The following DNAH17 variants were observed in gnomAD, a reference collection of about 807,000 sequenced individuals.
DNAH17 encodes axonemal beta dynein heavy chain 17.
In DNAH17, 376 loss-of-function variants were observed where a neutral mutation model predicts 485.6. The ratio of observed to expected loss-of-function variants is 0.77; its 90% CI spans 0.71 to 0.84. DNAH17 has a LOEUF of 0.84. DNAH17 is among the 40% of genes least tolerant of loss of function. DNAH17 has a pLI of 0.00. For missense variants in DNAH17, 6,370 were observed against 5,839.3 expected, an observed-to-expected ratio of 1.09 and a Z score of -2.96; for synonymous variants, 3,031 against 2,405.9, an observed-to-expected ratio of 1.26 and a Z score of -7.60.
chr17:78,501,513 A>G, intron 34 of DNAH17, 169 bp from the exon 35 acceptor site: 1 of 991,498 alleles, frequency 1.0e-6, no homozygotes, highest in Non-Finnish European at 1.4e-6. Context: ...CCTCAGTGGA[A>G]TCTCGCTACA....
rs1241864142 is a variant in DNAH17, at chr17:78,530,416, G to C, written c.3211C>G (p.Gln1071Glu). 6.2e-7 allele frequency: 1 copy of C among 1,613,670 alleles called. No individual in the cohort carries two copies. The change falls in exon 21 of 81, where the codon CAG becomes GAG. Residue 1071 changes from glutamine to glutamate, a missense_variant. Physicochemically the swap from Gln to Glu is conservative, Grantham distance 29 (BLOSUM62 2). Coordinates refer to ENST00000389840, the MANE Select transcript of DNAH17 (RefSeq NM_173628.4). Reference protein sequence around the residue: ...WLQCDCRPFKQALLSTIRRWG... With the variant: ...WLQCDCRPFKEALLSTIRRWG... ...CGCCGGATTGTGCTGAGCAGGGCCT[G>C]CTTGAAGGGGCGGCAGTCGCACTGC...
At chr17:78,454,257 C>T (rs767403621) in intron 64 of DNAH17, among the ~76,000 whole-genome samples, 1 of 152,198 alleles carries the variant, frequency 6.6e-6, no homozygotes, top group Non-Finnish European at 1.5e-5. Flanking sequence ...CTCTCCTTTC[C>T]CTGCAGGAGC....
chr17:78,531,054 T>G (rs1192865467), intron 20 of DNAH17, among the ~76,000 whole-genome samples: 1 of 152,234 alleles, frequency 6.6e-6, no homozygotes, highest in African/African-American at 2.4e-5. Flanking sequence ...AGCTGTCTGT[T>G]GGTCCCTGTG....
chr17:78,529,276 G>A (rs529711445), intron 22 of DNAH17, among the ~76,000 whole-genome samples, 196 bp downstream of exon 22: 4 of 152,142 alleles, frequency 2.6e-5, no homozygotes, highest in South Asian at 2.1e-4. Flanking sequence ...TGGCCTCACC[G>A]TGGAGGCAGT....
intron 59 of DNAH17, 25 bp downstream of exon 59, chr17:78,460,137 C>T (rs754159877): frequency 3.8e-6 from 6 of 1,588,296 alleles, no homozygotes; most frequent in Non-Finnish European, 5.1e-6. Flanking sequence ...GGCCAGGGGT[C>T]CCCTTTCTTT....
intron 44 of DNAH17, among the ~76,000 whole-genome samples, chr17:78,488,362 C>T (rs117896890): frequency 0.032 from 4,937 of 152,280 alleles, 107 homozygotes; most frequent in South Asian, 0.073. Flanking sequence ...TGCTTCTCGC[C>T]CATTTCCATT....
At chr17:78,531,448 C>T (rs2091236047) in intron 20 of DNAH17, among the ~76,000 whole-genome samples, 1 of 149,354 alleles carries the variant, frequency 6.7e-6, no homozygotes, top group Non-Finnish European at 1.5e-5. Flanking sequence ...ACACCATTCT[C>T]TTGCCTCAGC....
chr17:78,518,948 C>T (rs1251237354), intron 25 of DNAH17, among the ~76,000 whole-genome samples: 1 of 151,894 alleles, frequency 6.6e-6, no homozygotes, highest in Non-Finnish European at 1.5e-5. Context: ...GTGGGCTGAT[C>T]ACAAGGTCAG....
rs759538242 is a variant in DNAH17, at chr17:78,527,020, G to A, written c.3508-24C>T. 2.0e-6 allele frequency: 3 copies of A among 1,518,408 alleles called. No homozygotes were observed. The East Asian group carries it at 7.3e-5, about 37-fold the overall frequency. 94.1% of individuals were successfully genotyped at this position (1,518,408 alleles called of 1,614,324 possible). ...TCCTGCGGGAAGCAAAGGCAGAGGA[G>A]GGCTCCTTTCTCATTTCTTTTCTTA... On this transcript the variant is annotated intron_variant, in intron 22 of 80. Transcript: ENST00000389840.
At chr17:78,454,803 A>G in intron 63 of DNAH17, 98 bp from the exon 64 acceptor site, 1 of 1,100,042 alleles carries the variant, frequency 9.1e-7, no homozygotes, top group Non-Finnish European at 1.3e-6. Context: ...TGCTGCGGTT[A>G]GGGGTGGACC....
intron 36 of DNAH17, chr17:78,499,379 G>A: frequency 3.1e-6 from 1 of 321,378 alleles, no homozygotes. Context: ...CCCTAATAAG[G>A]GGCTCAGACA....
Position 78,468,900 on chromosome 17 carries a change from C to T in DNAH17, c.8512-17G>A, listed in dbSNP as rs2088615429. 6.2e-7 allele frequency: 1 copy of T among 1,607,946 alleles called. No individual in the cohort carries two copies. The highest frequency in any genetic ancestry group is 1.3e-5 in the African/African-American group (1 of 74,912). On this transcript the variant is annotated splice_polypyrimidine_tract_variant and intron_variant, in intron 54 of 80. Coordinates refer to ENST00000389840, the MANE Select transcript of DNAH17 (RefSeq NM_173628.4). Reference sequence around the variant, plus strand: ...GAGGTCAATCTGGACGGAGTGAGGACACGCTTAGGGGCCTTGGTAAAAAGA... The same window carrying T: ...GAGGTCAATCTGGACGGAGTGAGGATACGCTTAGGGGCCTTGGTAAAAAGA...
intron 54 of DNAH17, among the ~76,000 whole-genome samples, chr17:78,473,840 C>T (rs1043479724): frequency 6.6e-5 from 10 of 152,194 alleles, no homozygotes; most frequent in Non-Finnish European, 1.2e-4. Flanking sequence ...TAAAACCATA[C>T]GGCTCCAGGT....
intron 48 of DNAH17, 21 bp downstream of exon 48, chr17:78,484,846 CT>C (rs1451483164): frequency 6.6e-7 from 1 of 1,520,224 alleles, no homozygotes. Context: ...ACGCCTTCCC[CT>C]CCGGCCCCGC....
intron 19 of DNAH17, chr17:78,533,189 G>A (rs545097498): frequency 2.7e-5 from 5 of 188,376 alleles, no homozygotes; most frequent in East Asian, 1.4e-4. Context: ...TCGATAGCTC[G>A]CTCTCACTGC....
intron 54 of DNAH17, chr17:78,472,512 CCT>C: frequency 3.6e-6 from 1 of 276,506 alleles, no homozygotes; most frequent in South Asian, 2.7e-5. Context: ...GACCACGGCC[CCT>C]CATTCTGCTG....
intron 65 of DNAH17, among the ~76,000 whole-genome samples, chr17:78,452,840 A>T (rs191326377): frequency 6.6e-6 from 1 of 152,356 alleles, no homozygotes; most frequent in Admixed American, 6.5e-5. Context: ...AAATCCACAG[A>T]CACAGAGAGC....
At chr17:78,550,052 G>A (rs751337964) in intron 16 of DNAH17, among the ~76,000 whole-genome samples, 15 of 152,208 alleles carry the variant, frequency 9.9e-5, no homozygotes, top group Non-Finnish European at 1.8e-4. Context: ...ACAGACAAGA[G>A]ACCTGGCCCC....
At chr17:78,511,591 G>C (rs985747084) in intron 26 of DNAH17, among the ~76,000 whole-genome samples, 1 of 152,218 alleles carries the variant, frequency 6.6e-6, no homozygotes, top group Non-Finnish European at 1.5e-5. Flanking sequence ...AACATACCAG[G>C]TACTTGCCTA....
Sources: gnomAD v4.1 joint callset for allele counts (sites outside exome capture counted in the v4.1 genomes callset) on GRCh38, gnomAD v4.1.1 for gene constraint, MANE v1.5 for transcripts, NCBI Gene and HGNC (gene_info 2026-07-23, HGNC 2026-07-21) for gene names.